Variants in CLEC12B observed in about 807,000 individuals in gnomAD.
The protein encoded by CLEC12B is macrophage antigen h.
In CLEC12B, 25 loss-of-function variants were observed where a neutral mutation model predicts 36.1. That is an observed-to-expected ratio of 0.69 (90% CI 0.50 to 0.97). The LOEUF is 0.97. Among genes scored for constraint, CLEC12B ranks in the 50% least tolerant of loss-of-function variants. The pLI, the probability that CLEC12B is intolerant of heterozygous loss-of-function variation, is 0.00. For synonymous variants in CLEC12B, 110 were observed against 108.5 expected (o/e 1.01, Z -0.09); for missense variants, 325 against 318.4 (o/e 1.02, Z -0.16).
At chr12:10,011,940 T>C (rs1054220232) in intron 1 of CLEC12B, among the ~76,000 whole-genome samples, 1 of 152,228 alleles carries the variant, frequency 6.6e-6, no homozygotes, top group African/African-American at 2.4e-5. Flanking sequence ...GAGTCTGTCA[T>C]GCTGTATCTA....
In CLEC12B at chr12:10,018,616, G is replaced by A. The variant is rs1184924196; in HGVS notation, c.*135G>A. 1 of 711,126 alleles carries A rather than the reference G, an allele frequency of 1.4e-6. No individual in the cohort carries two copies. 44.1% of individuals were successfully genotyped at this position (711,126 alleles called of 1,614,324 possible). A position where few individuals can be genotyped will look rare whatever the true frequency, so the allele number is the denominator to read the frequency against. ...TTTACATTATCAGACAAATGAACTT[G>A]TTTAACAGAACATTCTCCAGTTCCT... On this transcript the variant is annotated 3_prime_UTR_variant, in exon 6 of 6. Transcript: ENST00000338896.
intron 5 of CLEC12B, chr12:10,016,644 T>C (rs1279055697): frequency 8.3e-6 from 2 of 240,606 alleles, no homozygotes; most frequent in Non-Finnish European, 1.3e-5. Context: ...AAACTTTTTA[T>C]TGATACATAA....
In CLEC12B at chr12:10,015,635, A is replaced by T. The variant is rs771560100; in HGVS notation, c.588A>T (p.Leu196Phe). The change falls in exon 5 of 6, where the codon TTA (leucine) becomes TTT (phenylalanine). Residue 196 changes from leucine to phenylalanine, a missense_variant. Transcript: ENST00000338896. ...AGGATTTTCTTATGTCACAGCCATT[A>T]CTCATGTTTTCGTTCTTTTGGCTGG... ...EEKDFLMSQP[L>F]LMFSFFWLGL... 28 of 1,613,396 alleles carry T rather than the reference A, an allele frequency of 1.7e-5. No homozygotes were observed. Among genetic ancestry groups the T allele is most frequent in the Middle Eastern group, 1.6e-4 (1 of 6,080 alleles).
chr12:10,009,898 C>A (rs779737464), upstream of CLEC12B, among the ~76,000 whole-genome samples: 10 of 152,144 alleles, frequency 6.6e-5, no homozygotes, highest in Non-Finnish European at 1.2e-4. Context: ...TAGCGCTCCC[C>A]CCCCATATTT....
intron 2 of CLEC12B, 151 bp downstream of exon 2, chr12:10,013,034 C>G: frequency 1.5e-6 from 1 of 647,996 alleles, no homozygotes; most frequent in South Asian, 1.7e-5. Context: ...TCATATCTTC[C>G]CAAAAAACCG....
chr12:10,008,471 G>A (rs960885682), upstream of CLEC12B, among the ~76,000 whole-genome samples: 2 of 152,042 alleles, frequency 1.3e-5, no homozygotes, highest in Non-Finnish European at 2.9e-5. Context: ...ATCATGATAG[G>A]AGTAGAGATC....
intron 1 of CLEC12B, 88 bp from the exon 2 acceptor site, chr12:10,012,697 A>G: frequency 3.2e-6 from 3 of 930,838 alleles, no homozygotes; most frequent in Admixed American, 2.3e-5. Context: ...AGTATCGGGA[A>G]GCTCCCTAAG....
chr12:10,016,754 TTATC>T lies in CLEC12B; in HGVS notation c.680+1029_680+1032del, dbSNP rs1260432030. Reference sequence around the variant, plus strand: ...TTGGGATATCGATCACTTTAAATATTTATCTTTTCTTTATGCTAGGAGCATTCAA... The same window carrying T: ...TTGGGATATCGATCACTTTAAATATTTTTTCTTTATGCTAGGAGCATTCAA... On this transcript the variant is annotated intron_variant, in intron 5 of 5. Coordinates refer to ENST00000338896, the MANE Select transcript of CLEC12B (RefSeq NM_001129998.3). The T allele has an allele frequency of 1.6e-3, 277 of 175,072 alleles. 3 individuals carry two copies. Among genetic ancestry groups the T allele is most frequent in the Non-Finnish European group, 3.6e-4 (32 of 88,918 alleles). The allele number at this position is 175,072 out of a possible 1,614,324, so 10.8% of individuals were successfully genotyped here.
chr12:10,017,359 TC>T (rs1257034126), intron 5 of CLEC12B: 10 of 985,314 alleles, frequency 1.0e-5, no homozygotes, highest in African/African-American at 1.7e-5. Flanking sequence ...ACTGAGGGTT[TC>T]CAGGAGTAGT....
chr12:10,014,937 G>A (rs1865441537), intron 3 of CLEC12B, among the ~76,000 whole-genome samples, 196 bp downstream of exon 3: 1 of 152,188 alleles, frequency 6.6e-6, no homozygotes, highest in African/African-American at 2.4e-5. Context: ...AATTTGGGAA[G>A]TATCTTGGAA....
chr12:10,015,996 TACTA>T lies in CLEC12B; in HGVS notation c.680+272_680+275del, dbSNP rs1591870240. On this transcript the variant is annotated intron_variant, in intron 5 of 5. Transcript: ENST00000338896. ...TACTACATTCAAAGTATTTTATAAA[TACTA>T]ACCCTTGAAGAAAGCAGTTATATTC... 2.9e-5 allele frequency: 33 copies of T among 1,139,146 alleles called. No individual in the cohort carries two copies. The East Asian group carries it at 1.5e-3, about 51-fold the overall frequency. 70.6% of individuals were successfully genotyped at this position (1,139,146 alleles called of 1,614,324 possible).
At chr12:10,014,124 T>C (rs1255500985) in intron 2 of CLEC12B, among the ~76,000 whole-genome samples, 1 of 152,152 alleles carries the variant, frequency 6.6e-6, no homozygotes, top group Admixed American at 6.6e-5. Flanking sequence ...GCATCTCAGG[T>C]CATCTGCAGA....
At chr12:10,009,835 C>T (rs1330771821), upstream of CLEC12B, among the ~76,000 whole-genome samples, 3 of 152,140 alleles carry the variant, frequency 2.0e-5, no homozygotes, top group Admixed American at 2.0e-4. Context: ...AATATTCTGC[C>T]TCTCCCCAAA....
upstream of CLEC12B, among the ~76,000 whole-genome samples, chr12:10,010,091 T>C (rs1244086003): frequency 6.6e-6 from 1 of 152,094 alleles, no homozygotes; most frequent in Non-Finnish European, 1.5e-5. Context: ...CTCCCATTCA[T>C]ACTCACGTTA....
Position 10,014,621 on chromosome 12 carries a change from G to A in CLEC12B, c.289G>A (p.Gly97Ser), listed in dbSNP as rs1169403088. 1 of 1,613,628 alleles carries A rather than the reference G, an allele frequency of 6.2e-7. No homozygotes were observed. The highest frequency in any genetic ancestry group is 1.3e-5 in the African/African-American group (1 of 74,852). Residue 97 changes from glycine (G) to serine (S), a missense_variant, in exon 3 of 6, where the codon GGC (glycine) becomes AGC (serine). Coordinates refer to ENST00000338896, the MANE Select transcript of CLEC12B (RefSeq NM_001129998.3). ...QQQDNLSQQL[G>S]NSNNLSMEEE... Reference sequence around the variant, plus strand: ...GCAGGATAACTTATCCCAGCAACTGGGCAACTCCAACAACTTGTCCATGGA... The same window carrying A: ...GCAGGATAACTTATCCCAGCAACTGAGCAACTCCAACAACTTGTCCATGGA...
rs78910408 is a variant in CLEC12B at position 10,018,529 on chromosome 12, T to C, written c.*48T>C. The stretch of plus-strand genomic sequence containing the variant: ...AGAAGTAAGAGACTTGTGAGTAAGC[T>C]CATATGAGGAAAGAGGAAACTACGG... On this transcript the variant is annotated 3_prime_UTR_variant, in exon 6 of 6. Transcript: ENST00000338896. 0.031 allele frequency: 46,197 copies of C among 1,485,184 alleles called. 849 individuals carry two copies. The highest frequency in any genetic ancestry group is 0.036 in the Non-Finnish European group (39,177 of 1,101,824). The allele number at this position is 1,485,184 out of a possible 1,614,324, so 92.0% of individuals were successfully genotyped here.
chr12:10,009,089 G>A (rs148023740), upstream of CLEC12B, among the ~76,000 whole-genome samples: 1 of 152,018 alleles, frequency 6.6e-6, no homozygotes, highest in East Asian at 1.9e-4. Context: ...AGTCTGATAC[G>A]ACAGAAACGG....
chr12:10,015,804 A>G (rs1865472638), intron 5 of CLEC12B, 77 bp downstream of exon 5: 2 of 1,597,014 alleles, frequency 1.3e-6, no homozygotes, highest in Non-Finnish European at 1.7e-6. Context: ...TGTGAGAATT[A>G]TAAATACAGA....
chr12:10,008,286 G>A (rs1865253987), upstream of CLEC12B, among the ~76,000 whole-genome samples: 1 of 152,160 alleles, frequency 6.6e-6, no homozygotes, highest in African/African-American at 2.4e-5. Context: ...TATATGCCTA[G>A]TGATTACTAC....
Sources: gnomAD v4.1 joint callset for allele counts (sites outside exome capture counted in the v4.1 genomes callset) on GRCh38, gnomAD v4.1.1 for gene constraint, MANE v1.5 for transcripts, NCBI Gene and HGNC (gene_info 2026-07-23, HGNC 2026-07-21) for gene names.